The following UBXN7 variants were observed in gnomAD, a reference collection of about 807,000 sequenced individuals.
The protein encoded by UBXN7 is UBX domain protein 7, also known as UBX domain-containing protein 7.
A neutral mutation model predicts 58.0 loss-of-function variants in UBXN7; 9 were observed. That is an observed-to-expected ratio of 0.16 (90% CI 0.09 to 0.27). UBXN7 has a LOEUF of 0.27. Ranked by LOEUF, UBXN7 falls within the 10% of genes least tolerant of loss-of-function variation. UBXN7 has a pLI of 1.00. For synonymous variants in UBXN7, 208 were observed against 205.0 expected, an observed-to-expected ratio of 1.01 and a Z score of -0.12; for missense variants, 328 against 599.6, an observed-to-expected ratio of 0.55 and a Z score of 4.73.
At chr3:196,422,538 C>G (rs945984487) in intron 1 of UBXN7, among the ~76,000 whole-genome samples, 2 of 151,664 alleles carry the variant, frequency 1.3e-5, no homozygotes, top group African/African-American at 4.8e-5. Context: ...TGCAGAACAA[C>G]TGGAACTCTC....
intron 5 of UBXN7, 124 bp downstream of exon 5, chr3:196,391,689 G>A: frequency 1.6e-6 from 1 of 629,748 alleles, no homozygotes; most frequent in Non-Finnish European, 2.7e-6. Context: ...AGCTATGATT[G>A]TGTCACTGCA....
intron 1 of UBXN7, 30 bp from the exon 2 acceptor site, chr3:196,407,423 T>TA (rs74348613): frequency 0.17 from 223,425 of 1,337,214 alleles, 1,840 homozygotes; most frequent in Non-Finnish European, 0.18. Flanking sequence ...GGAAAAACGT[T>TA]AAAAAAAAAA....
At chr3:196,427,598 C>T (rs1311326700) in intron 1 of UBXN7, among the ~76,000 whole-genome samples, 2 of 152,198 alleles carry the variant, frequency 1.3e-5, no homozygotes, top group South Asian at 2.1e-4. Flanking sequence ...GGATTACAGG[C>T]GTGAGCCACC....
chr3:196,413,922 C>T (rs1409257295), intron 1 of UBXN7, among the ~76,000 whole-genome samples: 1 of 152,180 alleles, frequency 6.6e-6, no homozygotes, highest in Admixed American at 6.5e-5. Context: ...GTACCTAATA[C>T]AACGTAAACA....
intron 3 of UBXN7, among the ~76,000 whole-genome samples, chr3:196,394,286 CAAAAAAAAA>C (rs34194652): frequency 1.1e-5 from 1 of 88,212 alleles, no homozygotes; most frequent in Admixed American, 1.4e-4. Flanking sequence ...AACTCCATCT[CAAAAAAAAA>C]AAAAAAAAAA....
At chr3:196,365,557 AC>A in intron 8 of UBXN7, among the ~76,000 whole-genome samples, 1 of 152,022 alleles carries the variant, frequency 6.6e-6, no homozygotes, top group South Asian at 2.1e-4. Context: ...CACATGCCAC[AC>A]CCCAGCTGGT....
intron 5 of UBXN7, among the ~76,000 whole-genome samples, chr3:196,375,218 C>CACAA (rs1728979004): frequency 6.8e-6 from 1 of 147,750 alleles, no homozygotes; most frequent in African/African-American, 2.5e-5. Flanking sequence ...CACACACACA[C>CACAA]ACACACACGT....
chr3:196,366,775 G>C (rs1483479763), intron 8 of UBXN7, among the ~76,000 whole-genome samples: 1 of 152,084 alleles, frequency 6.6e-6, no homozygotes, highest in African/African-American at 2.4e-5. Flanking sequence ...TGTGGTCCCA[G>C]CTACTTAGGA....
intron 5 of UBXN7, among the ~76,000 whole-genome samples, chr3:196,386,672 T>C (rs1275791540): frequency 6.6e-6 from 1 of 152,174 alleles, no homozygotes; most frequent in African/African-American, 2.4e-5. Context: ...GAAGGACCTC[T>C]TTAAGGAGAA....
chr3:196,414,367 C>T (rs776512948), intron 1 of UBXN7, among the ~76,000 whole-genome samples: 4 of 152,156 alleles, frequency 2.6e-5, no homozygotes, highest in African/African-American at 4.8e-5. Context: ...GATGTACCTT[C>T]GACACAGCAA....
intron 8 of UBXN7, among the ~76,000 whole-genome samples, chr3:196,367,081 G>T (rs1728692011): frequency 6.6e-6 from 1 of 151,894 alleles, no homozygotes; most frequent in South Asian, 2.1e-4. Context: ...TACTTGGGAG[G>T]CCAAGGCAGG....
chr3:196,413,438 G>T (rs539752066), intron 1 of UBXN7, among the ~76,000 whole-genome samples: 1 of 152,052 alleles, frequency 6.6e-6, no homozygotes, highest in Non-Finnish European at 1.5e-5. Flanking sequence ...AGAGAAAATC[G>T]CCTTTCATTT....
At chr3:196,369,089 G>A (rs1728749582) in intron 7 of UBXN7, among the ~76,000 whole-genome samples, 1 of 152,112 alleles carries the variant, frequency 6.6e-6, no homozygotes, top group Non-Finnish European at 1.5e-5. Flanking sequence ...CTCCCAAAGT[G>A]CTGGGATTAC....
intron 10 of UBXN7, among the ~76,000 whole-genome samples, 196 bp downstream of exon 10, chr3:196,361,648 A>T (rs1195012521): frequency 6.6e-6 from 1 of 152,222 alleles, no homozygotes; most frequent in Non-Finnish European, 1.5e-5. Flanking sequence ...CTGAAGATTC[A>T]GGGGATCATT....
chr3:196,428,799 G>A (rs1190535366), intron 1 of UBXN7, among the ~76,000 whole-genome samples: 1 of 150,926 alleles, frequency 6.6e-6, no homozygotes, highest in Non-Finnish European at 1.5e-5. Context: ...TAGTCTGGGT[G>A]GCAGTGTGAG....
intron 3 of UBXN7, among the ~76,000 whole-genome samples, chr3:196,401,856 A>AGAAGAGAAGAGAAGG (rs1730004448): frequency 6.6e-6 from 1 of 151,074 alleles, no homozygotes; most frequent in Non-Finnish European, 1.5e-5. Flanking sequence ...AGAAGAGAAG[A>AGAAGAGAAGAGAAGG]GAAGAAAAAC....
chr3:196,404,036 C>T (rs1730078247), intron 2 of UBXN7, among the ~76,000 whole-genome samples: 1 of 150,850 alleles, frequency 6.6e-6, no homozygotes, highest in South Asian at 2.1e-4. Flanking sequence ...TCACTTGAGC[C>T]CAGGAGCTGG....
Position 196,410,963 on chromosome 3 carries a change from T to C in UBXN7, c.74-3570A>G, listed in dbSNP as rs771394019. 3.5e-4 allele frequency among the ~76,000 whole-genome samples: 53 copies of C among 152,276 alleles called. 1 individual carries two copies. Among genetic ancestry groups the C allele is most frequent in the Middle Eastern group, 3.4e-3 (1 of 294 alleles). On this transcript the variant is annotated intron_variant, in intron 1 of 10. Coordinates refer to ENST00000296328, the MANE Select transcript of UBXN7 (RefSeq NM_015562.2). ...TTTCTTCTTCCTCATCCTACACAGTTTACTATAGTCAAACTAAATTACATG... is the reference window on the plus strand; with the variant it reads ...TTTCTTCTTCCTCATCCTACACAGTCTACTATAGTCAAACTAAATTACATG...
intron 10 of UBXN7, 101 bp from the exon 11 acceptor site, chr3:196,356,947 C>G: frequency 7.1e-7 from 1 of 1,401,918 alleles, no homozygotes; most frequent in Non-Finnish European, 9.5e-7. Flanking sequence ...CATATTAGAT[C>G]AGCTATTAAA....
Sources: gnomAD v4.1 joint callset for allele counts (sites outside exome capture counted in the v4.1 genomes callset) on GRCh38, gnomAD v4.1.1 for gene constraint, MANE v1.5 for transcripts, NCBI Gene and HGNC (gene_info 2026-07-23, HGNC 2026-07-21) for gene names.